SMURF1: variants seen among roughly 807,000 people sequenced by gnomAD.
SMURF1 encodes SMAD specific E3 ubiquitin protein ligase 1, also known as E3 ubiquitin-protein ligase SMURF1.
Under a neutral mutation model 98.0 loss-of-function variants are expected in SMURF1, and 44 were observed. That is an observed-to-expected ratio of 0.45 (90% CI 0.35 to 0.58). SMURF1 has a LOEUF of 0.58. Ranked by LOEUF, SMURF1 falls within the 20% of genes least tolerant of loss-of-function variation. SMURF1 has a pLI of 0.00. For missense variants in SMURF1, 687 were observed against 938.4 expected (o/e 0.73, Z 3.50); for synonymous variants, 396 against 374.9 (o/e 1.06, Z -0.65).
At chr7:99,045,509 G>A (rs1486527905) in intron 11 of SMURF1, 189 bp downstream of exon 11, 4 of 531,504 alleles carry the variant, frequency 7.5e-6, no homozygotes, top group East Asian at 3.1e-5. Context: ...AGGCTGGCAC[G>A]AGCATGCTCG....
At chr7:99,093,641 C>G (rs2150581135) in intron 1 of SMURF1, among the ~76,000 whole-genome samples, 1 of 151,850 alleles carries the variant, frequency 6.6e-6, no homozygotes, top group South Asian at 2.1e-4. Flanking sequence ...TTATGCCAAA[C>G]TAAGAATAGT....
At position 99,033,069 on chromosome 7, in the gene SMURF1, C is replaced by A; in HGVS notation, c.2064G>T (p.Ala688=). The change falls in exon 17 of 18, where the codon GCG becomes GCT. Residue 688 remains alanine, a synonymous_variant. Transcript: ENST00000361368. ...GGGCCTTCGGAAGGTTGTCTGTGTT[C>A]GCGTCTATCAGGTGGATGGTGAACA... ...PRLFTIHLID[A]NTDNLPKAHT... is the part of the protein sequence containing the mutation. The A allele has an allele frequency of 6.3e-7, 1 of 1,593,082 alleles. No individual in the cohort carries two copies. The highest frequency in any genetic ancestry group is 8.6e-7 in the Non-Finnish European group (1 of 1,169,152).
chr7:99,118,437 T>C (rs1398945365), intron 1 of SMURF1, among the ~76,000 whole-genome samples: 2 of 152,240 alleles, frequency 1.3e-5, no homozygotes, highest in African/African-American at 4.8e-5. Flanking sequence ...GGTCTATCCA[T>C]GCAATCAAAT....
chr7:99,063,275 A>ATATATAAATCT (rs1796102100), intron 1 of SMURF1, among the ~76,000 whole-genome samples: 1 of 20,682 alleles, frequency 4.8e-5, no homozygotes, highest in Non-Finnish European at 1.1e-4. Context: ...ATATATATAT[A>ATATATAAATCT]TATATATATA....
intron 1 of SMURF1, among the ~76,000 whole-genome samples, chr7:99,126,549 G>A (rs6969777): frequency 0.63 from 96,151 of 151,892 alleles, 33,042 homozygotes; most frequent in Non-Finnish European, 0.76. Context: ...CCAGCTACTC[G>A]GAGGTTGAGG....
At chr7:99,054,013 T>C (rs914723452) in intron 6 of SMURF1, among the ~76,000 whole-genome samples, 4 of 152,122 alleles carry the variant, frequency 2.6e-5, no homozygotes, top group African/African-American at 7.2e-5. Context: ...TCACTGCAAC[T>C]TCAAACTCCT....
chr7:99,042,278 T>A, intron 11 of SMURF1, 46 bp from the exon 12 acceptor site: 1 of 1,373,242 alleles, frequency 7.3e-7, no homozygotes, highest in Non-Finnish European at 1.0e-6. Flanking sequence ...CTAAAATTTC[T>A]ACATTTTTTT....
chr7:99,031,681 C>T (rs1794894109), intron 17 of SMURF1, among the ~76,000 whole-genome samples: 2 of 152,212 alleles, frequency 1.3e-5, no homozygotes, highest in South Asian at 4.1e-4. Context: ...TGGCACCCAC[C>T]ATGGTCCAGG....
intron 1 of SMURF1, among the ~76,000 whole-genome samples, chr7:99,095,983 C>A (rs1435684235): frequency 1.3e-5 from 2 of 152,104 alleles, no homozygotes; most frequent in Non-Finnish European, 2.9e-5. Flanking sequence ...GGGCTGGAGT[C>A]CTTTAACTTC....
intron 1 of SMURF1, among the ~76,000 whole-genome samples, chr7:99,106,201 T>C (rs1034434523): frequency 2.0e-5 from 3 of 152,222 alleles, no homozygotes; most frequent in African/African-American, 7.2e-5. Flanking sequence ...TTGCCAAAAG[T>C]AGTTGTTCAA....
intron 1 of SMURF1, among the ~76,000 whole-genome samples, chr7:99,122,722 C>T (rs1563039458): frequency 6.7e-6 from 1 of 148,426 alleles, no homozygotes; most frequent in Non-Finnish European, 1.5e-5. Context: ...ATCAACCATG[C>T]CACAGGGCTT....
At chr7:99,054,643 T>C in intron 6 of SMURF1, 147 bp downstream of exon 6, 1 of 683,660 alleles carries the variant, frequency 1.5e-6, no homozygotes. Context: ...TATAGCCAAG[T>C]AAACTGGTTC....
intron 1 of SMURF1, among the ~76,000 whole-genome samples, chr7:99,066,769 AC>A (rs1276258317): frequency 6.7e-6 from 1 of 148,834 alleles, no homozygotes; most frequent in East Asian, 2.0e-4. Context: ...ACACAGTGAG[AC>A]TCTGTCTCAA....
chr7:99,055,509 G>GT (rs11436024), intron 5 of SMURF1, among the ~76,000 whole-genome samples: 9,254 of 151,658 alleles, frequency 0.061, 931 homozygotes, highest in African/African-American at 0.21. Context: ...AAAATAAGAA[G>GT]TTTTTTTGGG....
chr7:99,091,053 A>G (rs1423656482), intron 1 of SMURF1, among the ~76,000 whole-genome samples: 2 of 152,222 alleles, frequency 1.3e-5, no homozygotes, highest in Non-Finnish European at 2.9e-5. Flanking sequence ...AGTAGTTGTA[A>G]TAGAGGCCAC....
At chr7:99,143,581 A>C (rs1178623932) in intron 1 of SMURF1, 145 bp downstream of exon 1, 43 of 574,908 alleles carry the variant, frequency 7.5e-5, no homozygotes, top group Non-Finnish European at 9.9e-5. Flanking sequence ...AGGAGGGAGA[A>C]GCGAGGGGCG....
intron 6 of SMURF1, among the ~76,000 whole-genome samples, chr7:99,053,144 A>T (rs1359363775): frequency 1.3e-5 from 2 of 152,178 alleles, no homozygotes; most frequent in African/African-American, 4.8e-5. Flanking sequence ...AAATGCCAAA[A>T]TGCCTTTAGA....
chr7:99,136,758 C>G (rs1412000378), intron 1 of SMURF1, among the ~76,000 whole-genome samples: 2 of 151,996 alleles, frequency 1.3e-5, no homozygotes, highest in Non-Finnish European at 2.9e-5. Flanking sequence ...CAAGACCAGC[C>G]GGGCAACAGG....
intron 1 of SMURF1, among the ~76,000 whole-genome samples, chr7:99,071,887 C>T (rs1796332276): frequency 1.3e-5 from 2 of 151,146 alleles, no homozygotes; most frequent in South Asian, 4.2e-4. Flanking sequence ...CACCCCTGAG[C>T]AACGTAACAA....
Sources: allele counts gnomAD v4.1 joint callset (sites outside exome capture counted in the v4.1 genomes callset), GRCh38; gene constraint gnomAD v4.1.1; transcripts MANE v1.5; gene names NCBI Gene and HGNC (gene_info 2026-07-23, HGNC 2026-07-21).